BTC: variants seen among roughly 807,000 people sequenced by gnomAD.
The protein encoded by BTC is probetacellulin.
Under a neutral mutation model 18.1 loss-of-function variants are expected in BTC, and 13 were observed. That is an observed-to-expected ratio of 0.72 (90% CI 0.47 to 1.14). BTC has a LOEUF of 1.14. Among genes scored for constraint, BTC ranks in the 50% most tolerant of loss-of-function variants. BTC has a pLI of 0.00. For missense variants in BTC, 247 were observed against 224.2 expected, an observed-to-expected ratio of 1.10 and a Z score of -0.65; for synonymous variants, 83 against 79.4, an observed-to-expected ratio of 1.05 and a Z score of -0.24.
intron 1 of BTC, among the ~76,000 whole-genome samples, chr4:74,789,020 C>A (rs187180770): frequency 2.0e-5 from 3 of 152,318 alleles, no homozygotes; most frequent in Admixed American, 6.5e-5. Flanking sequence ...CAAAAGTTCA[C>A]ATCAAGATCT....
chr4:74,783,587 C>CTTTTTTTTT (rs71220728), intron 1 of BTC, among the ~76,000 whole-genome samples: 1 of 83,572 alleles, frequency 1.2e-5, no homozygotes. Context: ...CTATTCGGCT[C>CTTTTTTTTT]TTTTTTTTTT....
intron 2 of BTC, among the ~76,000 whole-genome samples, chr4:74,767,159 T>C: frequency 6.7e-6 from 1 of 149,358 alleles, no homozygotes; most frequent in South Asian, 2.1e-4. Flanking sequence ...CATGATCCTA[T>C]ACATAAAAAA....
chr4:74,751,152 G>A (rs1175790476), intron 3 of BTC, among the ~76,000 whole-genome samples: 1 of 152,116 alleles, frequency 6.6e-6, no homozygotes, highest in African/African-American at 2.4e-5. Context: ...TATAAAAATT[G>A]TATGGTTTTA....
At position 74,771,016 on chromosome 4, in the gene BTC, C is replaced by T. The variant is rs117270273; in HGVS notation, c.65-860G>A. ...ATAATCCAACATGAGAAGGAGGATA[C>T]GAAGAAGTGACGAAAAGGCATGGAT... On this transcript the variant is annotated intron_variant, in intron 1 of 5. Coordinates refer to ENST00000395743, the MANE Select transcript of BTC (RefSeq NM_001729.4). 4.0e-4 allele frequency among the ~76,000 whole-genome samples: 61 copies of T among 151,018 alleles called. No homozygotes were observed. In the East Asian group the frequency reaches 0.011, roughly 27 times the overall value.
chr4:74,749,745 C>CAAAAAAAAAAAAAAAA (rs71220725), intron 4 of BTC, among the ~76,000 whole-genome samples: 10 of 54,894 alleles, frequency 1.8e-4, no homozygotes, highest in African/African-American at 7.8e-4. Context: ...TCCTGCTCTG[C>CAAAAAAAAAAAAAAAA]AAAAAAAAAA....
intron 1 of BTC, among the ~76,000 whole-genome samples, chr4:74,783,706 C>T (rs1490567296): frequency 6.7e-6 from 1 of 150,038 alleles, no homozygotes. Flanking sequence ...TTACACTGGG[C>T]AGCATGACCA....
chr4:74,749,424 A>G (rs945646777), intron 4 of BTC, among the ~76,000 whole-genome samples: 1 of 151,944 alleles, frequency 6.6e-6, no homozygotes, highest in Non-Finnish European at 1.5e-5. Context: ...ACGCCGTTGC[A>G]GTGAGCCAAG....
intron 1 of BTC, among the ~76,000 whole-genome samples, chr4:74,785,921 G>C (rs1352600726): frequency 1.3e-5 from 2 of 152,108 alleles, no homozygotes; most frequent in Non-Finnish European, 2.9e-5. Context: ...TAGATGAAAT[G>C]AATTATTATG....
chr4:74,767,337 A>C (rs1226233781), intron 2 of BTC, among the ~76,000 whole-genome samples: 2 of 152,004 alleles, frequency 1.3e-5, no homozygotes, highest in African/African-American at 4.8e-5. Context: ...AATTTACGAT[A>C]GCATCAAAAA....
intron 1 of BTC, among the ~76,000 whole-genome samples, chr4:74,789,132 A>G (rs550895536): frequency 6.6e-6 from 1 of 152,372 alleles, no homozygotes; most frequent in African/African-American, 2.4e-5. Flanking sequence ...CCTACTATAC[A>G]TAGGAACTGG....
At chr4:74,766,512 C>T (rs984456022) in intron 2 of BTC, among the ~76,000 whole-genome samples, 16 of 151,774 alleles carry the variant, frequency 1.1e-4, no homozygotes, top group Non-Finnish European at 2.2e-4. Flanking sequence ...AATTGAATAA[C>T]GAAGAAGTAA....
intron 1 of BTC, among the ~76,000 whole-genome samples, chr4:74,782,057 C>T (rs568903697): frequency 8.7e-4 from 132 of 152,170 alleles, no homozygotes; most frequent in African/African-American, 3.0e-3. Flanking sequence ...TATGCTAGAC[C>T]CTGAAATTAT....
intron 1 of BTC, among the ~76,000 whole-genome samples, chr4:74,774,631 T>C (rs903562640): frequency 1.3e-5 from 2 of 151,134 alleles, no homozygotes; most frequent in African/African-American, 4.9e-5. Flanking sequence ...GTAAAAGGAA[T>C]AACTTGTTAA....
intron 3 of BTC, among the ~76,000 whole-genome samples, chr4:74,754,139 GAT>G (rs1724535816): frequency 6.6e-6 from 1 of 152,192 alleles, no homozygotes; most frequent in African/African-American, 2.4e-5. Context: ...TGTCTGCTAT[GAT>G]ATTCTGCTTC....
chr4:74,757,325 G>A (rs1724627151), intron 2 of BTC, among the ~76,000 whole-genome samples: 1 of 152,232 alleles, frequency 6.6e-6, no homozygotes, highest in Non-Finnish European at 1.5e-5. Flanking sequence ...CCAGGTCACA[G>A]TGCAGAGTTT....
intron 1 of BTC, among the ~76,000 whole-genome samples, chr4:74,771,423 G>A (rs1163479504): frequency 6.6e-6 from 1 of 152,096 alleles, no homozygotes; most frequent in Non-Finnish European, 1.5e-5. Context: ...ACTCAATTTG[G>A]TTCAACAAAC....
intron 1 of BTC, among the ~76,000 whole-genome samples, chr4:74,772,548 T>C (rs1340772528): frequency 6.6e-6 from 1 of 151,992 alleles, no homozygotes; most frequent in Non-Finnish European, 1.5e-5. Flanking sequence ...GAGCAATTTC[T>C]ACTGGAAAAT....
At chr4:74,755,289 C>T (rs185581894) in intron 3 of BTC, among the ~76,000 whole-genome samples, 1 of 152,246 alleles carries the variant, frequency 6.6e-6, no homozygotes, top group East Asian at 1.9e-4. Flanking sequence ...TAGAAGAAAA[C>T]ACATATTTAA....
intron 4 of BTC, among the ~76,000 whole-genome samples, chr4:74,749,900 G>A (rs62316279): frequency 0.25 from 35,074 of 142,830 alleles, 4,489 homozygotes; most frequent in Middle Eastern, 0.29. Flanking sequence ...TTCAAGACCA[G>A]CCTGGACAAC....
Sources: allele counts gnomAD v4.1 joint callset (sites outside exome capture counted in the v4.1 genomes callset), GRCh38; gene constraint gnomAD v4.1.1; transcripts MANE v1.5; gene names NCBI Gene and HGNC (gene_info 2026-07-23, HGNC 2026-07-21).